Variants in ARPP21 observed in about 807,000 individuals in gnomAD.
ARPP21 encodes the protein cAMP regulated phosphoprotein 21.
Under a neutral mutation model 113.2 loss-of-function variants are expected in ARPP21, and 69 were observed. That is an observed-to-expected ratio of 0.61 (90% CI 0.50 to 0.74). The LOEUF is 0.74. Ranked by LOEUF, ARPP21 falls within the 30% of genes least tolerant of loss-of-function variation. The pLI is 0.00. For missense variants in ARPP21, 1,070 were observed against 1,037.4 expected (o/e 1.03, Z -0.43); for synonymous variants, 368 against 375.5 (o/e 0.98, Z 0.23).
intron 14 of ARPP21, among the ~76,000 whole-genome samples, chr3:35,728,826 G>A (rs192418994): frequency 2.0e-5 from 3 of 152,208 alleles, no homozygotes; most frequent in Non-Finnish European, 2.9e-5. Flanking sequence ...TATAGGTGTC[G>A]GAGAACCAGT....
intron 11 of ARPP21, among the ~76,000 whole-genome samples, chr3:35,713,631 C>T (rs879583673): frequency 2.6e-5 from 4 of 152,060 alleles, no homozygotes; most frequent in Admixed American, 6.6e-5. Flanking sequence ...TGAGCTCAGG[C>T]GATCTGCCTG....
At chr3:35,641,180 T>C (rs1006094016) in intron 1 of ARPP21, 1 of 152,198 alleles carries the variant, frequency 6.6e-6, no homozygotes. Context: ...AGTACAGATA[T>C]TCATTTTAAT....
intron 19 of ARPP21, among the ~76,000 whole-genome samples, chr3:35,746,213 T>C (rs2095039076): frequency 6.6e-6 from 1 of 152,180 alleles, no homozygotes; most frequent in Non-Finnish European, 1.5e-5. Context: ...TACCTAGTAT[T>C]TGGGAAAGCA....
At chr3:35,652,225 A>C (rs2148999094) in intron 1 of ARPP21, among the ~76,000 whole-genome samples, 1 of 152,224 alleles carries the variant, frequency 6.6e-6, no homozygotes, top group East Asian at 1.9e-4. Flanking sequence ...GTAATACTGT[A>C]GAGAGTTTAG....
chr3:35,735,590 T>G (rs2094300216), intron 15 of ARPP21, among the ~76,000 whole-genome samples: 1 of 152,236 alleles, frequency 6.6e-6, no homozygotes, highest in South Asian at 2.1e-4. Flanking sequence ...CTGAGATGCT[T>G]TAGAACATGT....
At position 35,681,786 on chromosome 3, in the gene ARPP21, C is replaced by G. The variant is rs2079001010; in HGVS notation, c.35C>G (p.Ala12Gly). ...CAAGGAGACCTGAATCAGGCAATAG[C>G]AGAGGAAGGAGGGACTGAGCAGGAG... ...SEQGDLNQAIAEEGGTEQETA... is the reference protein window; with the variant it reads ...SEQGDLNQAIGEEGGTEQETA... The change falls in exon 3 of 21, where the codon GCA (alanine) becomes GGA (glycine). Residue 12 changes from alanine to glycine, a missense_variant. Ala to Gly is a moderately conservative substitution (Grantham distance 60). Transcript: ENST00000684406. 1.2e-6 allele frequency: 2 copies of G among 1,611,230 alleles called. No homozygotes were observed. Among genetic ancestry groups the G allele is most frequent in the African/African-American group, 1.3e-5 (1 of 74,712 alleles).
chr3:35,649,018 T>C (rs1486114571), intron 1 of ARPP21, among the ~76,000 whole-genome samples: 1 of 152,218 alleles, frequency 6.6e-6, no homozygotes, highest in African/African-American at 2.4e-5. Context: ...GTCATTTAAC[T>C]AACTTACGTT....
intron 1 of ARPP21, among the ~76,000 whole-genome samples, chr3:35,669,483 T>G (rs1478269900): frequency 3.3e-5 from 5 of 152,168 alleles, no homozygotes; most frequent in Non-Finnish European, 7.4e-5. Context: ...TCCTAGCAAT[T>G]TCCACATCCA....
At chr3:35,644,589 C>T (rs964458205) in intron 1 of ARPP21, among the ~76,000 whole-genome samples, 8 of 151,648 alleles carry the variant, frequency 5.3e-5, no homozygotes, top group African/African-American at 1.5e-4. Context: ...CTAAACTTAC[C>T]GAGACATATC....
intron 19 of ARPP21, 168 bp from the exon 20 acceptor site, chr3:35,792,214 G>T: frequency 1.5e-6 from 1 of 654,830 alleles, no homozygotes; most frequent in South Asian, 1.9e-5. Flanking sequence ...ACTCTTAGAA[G>T]TAAAAAAAAG....
chr3:35,702,747 A>G (rs1260397053), intron 9 of ARPP21, among the ~76,000 whole-genome samples: 3 of 151,886 alleles, frequency 2.0e-5, no homozygotes, highest in African/African-American at 4.8e-5. Flanking sequence ...GTATAGTCTC[A>G]TTTAAAAGAA....
At chr3:35,705,839 A>C (rs1265962273) in intron 9 of ARPP21, among the ~76,000 whole-genome samples, 1 of 152,236 alleles carries the variant, frequency 6.6e-6, no homozygotes, top group African/African-American at 2.4e-5. Context: ...TCTGCTCATC[A>C]AAATTATTAT....
chr3:35,724,775 A>T (rs1407250742), intron 14 of ARPP21, among the ~76,000 whole-genome samples: 1 of 152,080 alleles, frequency 6.6e-6, no homozygotes, highest in Admixed American at 6.6e-5. Context: ...TGTTTCTACC[A>T]CTTCCTCTTC....
At chr3:35,691,502 T>G (rs2082233259) in intron 9 of ARPP21, among the ~76,000 whole-genome samples, 1 of 151,616 alleles carries the variant, frequency 6.6e-6, no homozygotes, top group South Asian at 2.1e-4. Context: ...ACTAGTTGTG[T>G]GACTTGGAGC....
chr3:35,737,640 T>C (rs1203063001), intron 16 of ARPP21, among the ~76,000 whole-genome samples: 1 of 152,194 alleles, frequency 6.6e-6, no homozygotes, highest in Non-Finnish European at 1.5e-5. Context: ...TTTTTTTAAA[T>C]GTATGGAGGA....
At chr3:35,720,831 A>G (rs2092987063) in intron 13 of ARPP21, among the ~76,000 whole-genome samples, 5 of 152,096 alleles carry the variant, frequency 3.3e-5, no homozygotes, top group Admixed American at 6.5e-5. Flanking sequence ...TCTTTTTTCT[A>G]TTTGAAGTTT....
chr3:35,662,703 A>G (rs1212495610), intron 1 of ARPP21, among the ~76,000 whole-genome samples: 2 of 152,224 alleles, frequency 1.3e-5, no homozygotes, highest in Non-Finnish European at 2.9e-5. Flanking sequence ...ATTCTAGGAA[A>G]GAGTGTGCTT....
At chr3:35,687,394 C>T (rs1255986125) in intron 5 of ARPP21, among the ~76,000 whole-genome samples, 2 of 149,578 alleles carry the variant, frequency 1.3e-5, no homozygotes, top group African/African-American at 2.5e-5. Context: ...AATACAATGG[C>T]TGTGATGAGA....
chr3:35,783,907 G>C (rs1373494112), intron 19 of ARPP21, among the ~76,000 whole-genome samples: 1 of 151,878 alleles, frequency 6.6e-6, no homozygotes. Flanking sequence ...CTTTTATTCT[G>C]ATTATTTCCA....
Sources: gnomAD v4.1 joint callset for allele counts (sites outside exome capture counted in the v4.1 genomes callset) on GRCh38, gnomAD v4.1.1 for gene constraint, MANE v1.5 for transcripts, NCBI Gene and HGNC (gene_info 2026-07-23, HGNC 2026-07-21) for gene names.